FAF1: variants seen among roughly 807,000 people sequenced by gnomAD.
FAF1 encodes Fas associated factor 1, also known as FAS-associated factor 1.
A neutral mutation model predicts 92.5 loss-of-function variants in FAF1; 25 were observed. The ratio of observed to expected loss-of-function variants is 0.27; its 90% CI spans 0.20 to 0.38. The LOEUF (loss-of-function observed/expected upper bound fraction) is 0.38, where lower values mean the gene tolerates loss of function less well. Ranked by LOEUF, FAF1 falls within the 10% of genes least tolerant of loss-of-function variation. The probability of loss-of-function intolerance (pLI) is 1.00; values close to 1 mark genes in which losing one functional copy is unlikely to be tolerated. For missense variants in FAF1, 636 were observed against 793.3 expected (o/e 0.80, Z 2.38); for synonymous variants, 234 against 273.2 (o/e 0.86, Z 1.42).
intron 6 of FAF1, among the ~76,000 whole-genome samples, chr1:50,733,508 C>T (rs1362966316): frequency 6.6e-6 from 1 of 152,186 alleles, no homozygotes; most frequent in Non-Finnish European, 1.5e-5. Flanking sequence ...TTGGAGACAG[C>T]ATCTTCAGGA....
intron 7 of FAF1, among the ~76,000 whole-genome samples, chr1:50,704,848 T>C (rs1657607942): frequency 6.6e-6 from 1 of 152,030 alleles, no homozygotes; most frequent in South Asian, 2.1e-4. Flanking sequence ...TAACACAATA[T>C]AAAAAAGGAA....
At chr1:50,839,086 G>T (rs1224609679) in intron 2 of FAF1, among the ~76,000 whole-genome samples, 2 of 151,980 alleles carry the variant, frequency 1.3e-5, no homozygotes, top group East Asian at 3.9e-4. Context: ...AAGAAGCAGA[G>T]AAGTTTTCTT....
At chr1:50,782,525 A>C (rs1345651066) in intron 4 of FAF1, among the ~76,000 whole-genome samples, 1 of 152,054 alleles carries the variant, frequency 6.6e-6, no homozygotes, top group East Asian at 1.9e-4. Flanking sequence ...AAGGTGTTAT[A>C]AAAATGTCAA....
At chr1:50,577,644 T>C (rs187040627) in intron 12 of FAF1, among the ~76,000 whole-genome samples, 4 of 152,346 alleles carry the variant, frequency 2.6e-5, no homozygotes, top group Admixed American at 1.3e-4. Flanking sequence ...ATTGTTTATA[T>C]TGTTTTATTT....
chr1:50,581,015 T>G (rs565514640), intron 12 of FAF1, among the ~76,000 whole-genome samples: 21 of 152,304 alleles, frequency 1.4e-4, no homozygotes, highest in African/African-American at 5.1e-4. Context: ...GCTCAAGTGA[T>G]CCACTCGCCG....
At chr1:50,926,217 A>G (rs995169464) in intron 1 of FAF1, among the ~76,000 whole-genome samples, 4 of 152,190 alleles carry the variant, frequency 2.6e-5, no homozygotes, top group African/African-American at 9.7e-5. Flanking sequence ...CCTGTCTCTA[A>G]ACATAAAAAA....
Sources: allele counts gnomAD v4.1 joint callset (sites outside exome capture counted in the v4.1 genomes callset), GRCh38; gene constraint gnomAD v4.1.1; transcripts MANE v1.5; gene names NCBI Gene and HGNC (gene_info 2026-07-23, HGNC 2026-07-21).